Variants in KLHL24 observed in about 807,000 individuals in gnomAD.
KLHL24 encodes the protein kelch-like protein 24.
A neutral mutation model predicts 53.4 loss-of-function variants in KLHL24; 29 were observed. That is an observed-to-expected ratio of 0.54 (90% CI 0.40 to 0.74). KLHL24 has a LOEUF of 0.74. Among genes scored for constraint, KLHL24 ranks in the 30% least tolerant of loss-of-function variants. The pLI is 0.00. For missense variants in KLHL24, 504 were observed against 744.0 expected (o/e 0.68, Z 3.75); for synonymous variants, 222 against 253.7 (o/e 0.88, Z 1.19).
intron 7 of KLHL24, chr3:183,672,932 T>C (rs1721539189): frequency 6.6e-6 from 1 of 151,548 alleles, no homozygotes; most frequent in Non-Finnish European, 1.5e-5. Flanking sequence ...GAGGTGGAGG[T>C]CGCGGTGAGC....
At chr3:183,648,591 A>G (rs981898440) in intron 2 of KLHL24, among the ~76,000 whole-genome samples, 8 of 152,196 alleles carry the variant, frequency 5.3e-5, no homozygotes, top group African/African-American at 1.9e-4. Flanking sequence ...TTCTGAGAGT[A>G]TGGCAATAGA....
At position 183,651,175 on chromosome 3, in the gene KLHL24, A is replaced by G. The variant is rs370662238; in HGVS notation, c.819A>G (p.Gln273=). The change falls in exon 3 of 8, where the codon CAA becomes CAG. Residue 273 remains glutamine, a synonymous_variant. Transcript: ENST00000242810. ...NYFVQTVEVD[Q]LIQNSPECYQ... is the part of the protein sequence containing the mutation. The stretch of plus-strand genomic sequence containing the variant: ...TTGTTCAAACAGTTGAAGTGGACCA[A>G]TTGATCCAGAATTCTCCTGAGTGTT... 3.0e-5 allele frequency: 48 copies of G among 1,614,050 alleles called. No homozygotes were observed. The highest frequency in any genetic ancestry group is 1.1e-4 in the African/African-American group (8 of 74,938).
intron 5 of KLHL24, among the ~76,000 whole-genome samples, chr3:183,668,060 GTGC>G (rs1720825000): frequency 6.7e-6 from 1 of 148,574 alleles, no homozygotes; most frequent in South Asian, 2.2e-4. Context: ...TGGATCTAGT[GTGC>G]TGCTGCTGTC....
At chr3:183,651,368 ACTGT>A in intron 3 of KLHL24, 92 bp downstream of exon 3, 1 of 811,892 alleles carries the variant, frequency 1.2e-6, no homozygotes, top group Non-Finnish European at 1.9e-6. Context: ...ATTTATATGC[ACTGT>A]CTACCTGTGG....
intron 3 of KLHL24, among the ~76,000 whole-genome samples, chr3:183,657,976 G>T (rs536040749): frequency 6.6e-6 from 1 of 152,214 alleles, no homozygotes; most frequent in South Asian, 2.1e-4. Context: ...ACTTTGGGAG[G>T]CCGAGGTGGG....
intron 4 of KLHL24, 74 bp from the exon 5 acceptor site, chr3:183,664,847 C>A: frequency 1.4e-6 from 1 of 726,746 alleles, no homozygotes; most frequent in Non-Finnish European, 2.3e-6. Context: ...TTACCTATGC[C>A]TTGGTGGCAC....
At chr3:183,640,142 CA>C (rs1293596333) in intron 1 of KLHL24, among the ~76,000 whole-genome samples, 3 of 152,134 alleles carry the variant, frequency 2.0e-5, no homozygotes, top group Non-Finnish European at 4.4e-5. Context: ...AACATGTTAG[CA>C]AGATAAAACC....
chr3:183,666,849 C>G (rs1483428940), intron 5 of KLHL24, among the ~76,000 whole-genome samples: 2 of 152,070 alleles, frequency 1.3e-5, no homozygotes, highest in African/African-American at 4.8e-5. Flanking sequence ...GAGTCTTTAG[C>G]TTCTCCCTGC....
rs1466177620 is a variant in KLHL24, at chr3:183,684,504, T to A, written c.*5218T>A. The A allele has an allele frequency of 6.6e-6, 1 of 152,626 alleles. No homozygotes were observed. The highest frequency in any genetic ancestry group is 1.5e-5 in the Non-Finnish European group (1 of 68,028). 9.5% of individuals were successfully genotyped at this position (152,626 alleles called of 1,614,324 possible). On this transcript the variant is annotated 3_prime_UTR_variant, in exon 8 of 8. Coordinates refer to ENST00000242810, the MANE Select transcript of KLHL24 (RefSeq NM_017644.3). ...TACTTGACTATATGGTTGTATTAAA[T>A]TTTGTTTACGAAAAATTTGTTGTTC...
chr3:183,657,486 G>C (rs967741214), intron 3 of KLHL24, among the ~76,000 whole-genome samples: 1 of 152,230 alleles, frequency 6.6e-6, no homozygotes, highest in Non-Finnish European at 1.5e-5. Flanking sequence ...CAAGCCTCAA[G>C]TTCTGTTGAA....
Position 183,682,953 on chromosome 3 carries a change from G to GTTTTTTTTTTTTTTTT in KLHL24, c.*3667_*3668insTTTTTTTTTTTTTTTT, listed in dbSNP as rs1712831779. On this transcript the variant is annotated 3_prime_UTR_variant, in exon 8 of 8. Coordinates refer to ENST00000242810, the MANE Select transcript of KLHL24 (RefSeq NM_017644.3). The stretch of plus-strand genomic sequence containing the variant: ...ATTTTTTTCGTTTTTTTTTTTTTTT[G>GTTTTTTTTTTTTTTTT]GGGAAGGGGGGAGAACGGGGTCTTG... 1 of 119,716 alleles carries GTTTTTTTTTTTTTTTT rather than the reference G, an allele frequency of 8.4e-6. No individual in the cohort carries two copies. The allele number at this position is 119,716 out of a possible 1,614,324, so 7.4% of individuals were successfully genotyped here.
intron 6 of KLHL24, among the ~76,000 whole-genome samples, chr3:183,671,497 C>T (rs1721318586): frequency 6.6e-6 from 1 of 152,156 alleles, no homozygotes; most frequent in South Asian, 2.1e-4. Flanking sequence ...TGAGCCTTTG[C>T]TGTCATCTAC....
At chr3:183,655,240 C>G (rs9290767) in intron 3 of KLHL24, among the ~76,000 whole-genome samples, 6 of 152,112 alleles carry the variant, frequency 3.9e-5, no homozygotes, top group East Asian at 3.9e-4. Context: ...TTTAAGAGCA[C>G]GAAAGCTTTG....
intron 1 of KLHL24, among the ~76,000 whole-genome samples, chr3:183,640,103 A>G (rs544987226): frequency 1.3e-5 from 2 of 150,122 alleles, no homozygotes; most frequent in African/African-American, 4.9e-5. Context: ...TGATTATCAA[A>G]TAAAACAATG....
At chr3:183,645,522 C>T (rs535413602) in intron 2 of KLHL24, among the ~76,000 whole-genome samples, 2 of 151,980 alleles carry the variant, frequency 1.3e-5, no homozygotes, top group Non-Finnish European at 2.9e-5. Context: ...AGTTGGGTGA[C>T]GTATAATGAA....
intron 3 of KLHL24, among the ~76,000 whole-genome samples, chr3:183,651,945 C>CA (rs58223453): frequency 3.1e-4 from 44 of 142,710 alleles, no homozygotes; most frequent in South Asian, 1.8e-3. Context: ...GACTCTGTCT[C>CA]AAAAAAAAAA....
chr3:183,666,075 G>A (rs148413213), intron 5 of KLHL24, among the ~76,000 whole-genome samples: 2,808 of 152,040 alleles, frequency 0.018, 83 homozygotes, highest in African/African-American at 0.065. Flanking sequence ...TAGAGGCAGG[G>A]TTTCGCCATG....
chr3:183,639,378 CCCAG>C (rs1715930074), intron 1 of KLHL24, among the ~76,000 whole-genome samples: 1 of 152,072 alleles, frequency 6.6e-6, no homozygotes, highest in South Asian at 2.1e-4. Flanking sequence ...CGCCTGTAAT[CCCAG>C]CACTTTGGGA....
In KLHL24 at chr3:183,648,325, A is replaced by G. The variant is rs180804858; in HGVS notation, c.-61-1971A>G. 4.3e-4 allele frequency among the ~76,000 whole-genome samples: 66 copies of G among 152,314 alleles called. No individual in the cohort carries two copies. The South Asian group carries it at 7.0e-3, about 16-fold the overall frequency. ...TCTTGATTTTGATGTTACGTATTTT[A>G]TTTCCCTTTGTGTCACTTAAAAAGT... On this transcript the variant is annotated intron_variant, in intron 2 of 7. Transcript: ENST00000242810.
Sources: gnomAD v4.1 joint callset for allele counts (sites outside exome capture counted in the v4.1 genomes callset) on GRCh38, gnomAD v4.1.1 for gene constraint, MANE v1.5 for transcripts, NCBI Gene and HGNC (gene_info 2026-07-23, HGNC 2026-07-21) for gene names.